Variants in TMCO6 observed in about 807,000 individuals in gnomAD.
TMCO6 encodes the protein transmembrane and coiled-coil domains 6.
TMCO6 carries 47 observed loss-of-function variants against 61.8 expected under a neutral mutation model. The observed-to-expected ratio is 0.76, with a 90% CI of 0.60 to 0.97. TMCO6 has a LOEUF of 0.97. Ranked by LOEUF, TMCO6 falls within the 50% of genes least tolerant of loss-of-function variation. TMCO6 has a pLI of 0.00. For synonymous variants in TMCO6, 261 were observed against 254.2 expected (o/e 1.03, Z -0.25); for missense variants, 557 against 601.6 (o/e 0.93, Z 0.78).
the TMCO6 span, among the ~76,000 whole-genome samples, chr5:140,612,900 C>T: frequency 6.6e-6 from 1 of 152,188 alleles, no homozygotes; most frequent in Non-Finnish European, 1.5e-5. Context: ...TTCAATCAAT[C>T]AAATCAGTGA....
rs1297015955 is a variant in TMCO6, at chr5:140,645,383, TAA to T, written c.*287_*288del. ...GCTGGTAGCTTTTGATGAGACAGAATAAAGTTTTATTTTTATATTAAGCTACT... is the reference window on the plus strand; with the variant it reads ...GCTGGTAGCTTTTGATGAGACAGAATAGTTTTATTTTTATATTAAGCTACT... On this transcript the variant is annotated 3_prime_UTR_variant, in exon 12 of 12. Coordinates refer to ENST00000394671, the MANE Select transcript of TMCO6 (RefSeq NM_018502.5). The T allele has an allele frequency of 3.8e-6, 3 of 799,318 alleles. No individual in the cohort carries two copies. The African/African-American group carries it at 5.1e-5, about 14-fold the overall frequency. 49.5% of individuals were successfully genotyped at this position (799,318 alleles called of 1,614,324 possible).
At chr5:140,634,792 C>T (rs2915863), upstream of TMCO6, among the ~76,000 whole-genome samples, 96,919 of 150,346 alleles carry the variant, frequency 0.64, 31,665 homozygotes, top group African/African-American at 0.77. Context: ...GTCTTTTTTA[C>T]TTTTATTTAT....
chr5:140,618,753 A>T, the TMCO6 span, among the ~76,000 whole-genome samples: 1 of 152,168 alleles, frequency 6.6e-6, no homozygotes, highest in African/African-American at 2.4e-5. Context: ...ATGGTGCTGG[A>T]ACAACTAGAA....
downstream of TMCO6, chr5:140,645,663 G>T: frequency 6.2e-7 from 1 of 1,614,136 alleles, no homozygotes; most frequent in Non-Finnish European, 8.5e-7. Flanking sequence ...AGGGACATTC[G>T]TCTCTTGGCC....
At chr5:140,645,792 G>C, downstream of TMCO6, 4 of 1,518,872 alleles carry the variant, frequency 2.6e-6, no homozygotes, top group East Asian at 2.3e-5. Context: ...GAGTATTAAA[G>C]AGATATGATC....
downstream of TMCO6, chr5:140,647,109 T>A (rs1345893746): frequency 1.9e-5 from 17 of 905,520 alleles, no homozygotes; most frequent in African/African-American, 1.7e-4. Flanking sequence ...CGAATATAAA[T>A]TTCTTCATGG....
downstream of TMCO6, chr5:140,645,622 T>C: frequency 6.2e-7 from 1 of 1,614,232 alleles, no homozygotes; most frequent in South Asian, 1.1e-5. Flanking sequence ...TCCAGGGCTC[T>C]GGTTACCTGA....
At chr5:140,628,208 A>G in the TMCO6 span, among the ~76,000 whole-genome samples, 1 of 151,646 alleles carries the variant, frequency 6.6e-6, no homozygotes, top group Non-Finnish European at 1.5e-5. Flanking sequence ...TATGAAACCT[A>G]TCACAACTTA....
downstream of TMCO6, chr5:140,645,491 T>C: frequency 6.7e-7 from 1 of 1,491,360 alleles, no homozygotes; most frequent in Non-Finnish European, 9.3e-7. Flanking sequence ...CAGCACAAGC[T>C]TTATGAGGAA....
rs181977983 is a variant in TMCO6 at position 140,642,930 on chromosome 5, T to C, written c.695T>C (p.Ile232Thr). Residue 232 changes from isoleucine to threonine, a missense_variant, in exon 7 of 12, where the codon ATC (isoleucine) becomes ACC (threonine). Ile to Thr is a moderately conservative substitution (Grantham distance 89). Coordinates refer to ENST00000394671, the MANE Select transcript of TMCO6 (RefSeq NM_018502.5). ...AGCCCTGCTTCTGCCAGCAGCTCCA[T>C]CTTGGCCTCCACTCTCCCTCAGCAC... ...EEAPEKIIPS[I>T]LASTLPQHML... 1 of 1,614,150 alleles carries C rather than the reference T, an allele frequency of 6.2e-7. No individual in the cohort carries two copies. Among genetic ancestry groups the C allele is most frequent in the Admixed American group, 1.7e-5 (1 of 60,012 alleles).
chr5:140,647,453 G>A (rs899800350), downstream of TMCO6: 1 of 1,605,660 alleles, frequency 6.2e-7, no homozygotes, highest in Non-Finnish European at 8.5e-7. Flanking sequence ...GCGTCCCGAA[G>A]CCCGCCCGCC....
At chr5:140,610,850 A>AT in the TMCO6 span, among the ~76,000 whole-genome samples, 13 of 151,922 alleles carry the variant, frequency 8.6e-5, no homozygotes, top group East Asian at 1.9e-4. Flanking sequence ...ATATAAACTG[A>AT]TTTTTTTTGG....
In TMCO6 at chr5:140,639,563, G is replaced by T; in HGVS notation, c.36G>T (p.Thr12=). The change falls in exon 1 of 12, where the codon ACG becomes ACT. Residue 12 remains threonine, a synonymous_variant. Coordinates refer to ENST00000394671, the MANE Select transcript of TMCO6 (RefSeq NM_018502.5). ...WSRRQGRLRP[T]VCGVEELRRR... Reference sequence around the variant, plus strand: ...GACGGCAGGGCCGCCTCAGGCCCACGGTCTGCGGGGTGGAGGAGCTACGGC... The same window carrying T: ...GACGGCAGGGCCGCCTCAGGCCCACTGTCTGCGGGGTGGAGGAGCTACGGC... The T allele has an allele frequency of 6.5e-7, 1 of 1,548,400 alleles. No homozygotes were observed. Among genetic ancestry groups the T allele is most frequent in the East Asian group, 2.4e-5 (1 of 40,876 alleles).
chr5:140,609,369 C>T, the TMCO6 span: 1 of 256,462 alleles, frequency 3.9e-6, no homozygotes, highest in Non-Finnish European at 8.5e-6. Context: ...AACATCCTGG[C>T]CGCCAAGAGG....
chr5:140,632,795 A>C, the TMCO6 span: 1 of 1,613,658 alleles, frequency 6.2e-7, no homozygotes, highest in East Asian at 2.2e-5. This position sits in a 1 kb window ranked among gnomAD's most constrained non-coding sequence, Gnocchi z 6.2. Context: ...CTAGGTTGAG[A>C]CCGCCGGCAT....
At chr5:140,606,692 C>T in the TMCO6 span, among the ~76,000 whole-genome samples, 8 of 151,994 alleles carry the variant, frequency 5.3e-5, no homozygotes, top group African/African-American at 9.7e-5. Context: ...TTTGGGAGGC[C>T]GAGGCAGGCA....
At chr5:140,628,579 C>T in the TMCO6 span, among the ~76,000 whole-genome samples, 1 of 152,128 alleles carries the variant, frequency 6.6e-6, no homozygotes, top group Non-Finnish European at 1.5e-5. Context: ...GCTGGGATTA[C>T]AGGAGCACAC....
chr5:140,647,289 A>T (rs766721362), downstream of TMCO6: 11 of 1,571,134 alleles, frequency 7.0e-6, no homozygotes, highest in African/African-American at 1.4e-4. Context: ...TGCACATCGG[A>T]GCATTCGCGG....
At chr5:140,632,920 G>T in the TMCO6 span, 1 of 1,614,138 alleles carries the variant, frequency 6.2e-7, no homozygotes, top group Non-Finnish European at 8.5e-7. This position sits in a 1 kb window ranked among gnomAD's most constrained non-coding sequence, Gnocchi z 6.2. Flanking sequence ...CAAGGTTCTG[G>T]CGTGGTCGCA....
Sources: gnomAD v4.1 joint callset for allele counts (sites outside exome capture counted in the v4.1 genomes callset) on GRCh38, gnomAD v4.1.1 for gene constraint, Gnocchi (gnomAD v3.1) non-coding constraint, MANE v1.5 for transcripts, NCBI Gene and HGNC (gene_info 2026-07-23, HGNC 2026-07-21) for gene names.